Variants in LRRC9 observed in about 807,000 individuals in gnomAD.
LRRC9 encodes leucine rich repeat containing 9, also known as leucine-rich repeat-containing protein 9.
Under a neutral mutation model 63.2 loss-of-function variants are expected in LRRC9, and 122 were observed. That is an observed-to-expected ratio of 1.93 (90% CI 1.67 to 2.24). The LOEUF (loss-of-function observed/expected upper bound fraction) is 2.24. LRRC9 is among the 30% of genes most tolerant of loss of function. LRRC9 has a pLI of 0.00. For missense variants in LRRC9, 1,071 were observed against 627.7 expected, an observed-to-expected ratio of 1.71 and a Z score of -7.55; for synonymous variants, 366 against 213.1, an observed-to-expected ratio of 1.72 and a Z score of -6.25.
At chr14:59,974,073 C>T (rs528579530) in intron 12 of LRRC9, among the ~76,000 whole-genome samples, 3 of 151,896 alleles carry the variant, frequency 2.0e-5, no homozygotes, top group East Asian at 1.9e-4. Flanking sequence ...TGAACATTAC[C>T]GATAGAATAC....
rs902957130 is a variant in LRRC9, at chr14:59,994,864, G to A, written c.2212-2792G>A. ...CATCACACACCGGGGCCTGTTGTGGGGTGGGGGGAAGGGGGAGGGATAGCA... is the reference window on the plus strand; with the variant it reads ...CATCACACACCGGGGCCTGTTGTGGAGTGGGGGGAAGGGGGAGGGATAGCA... On this transcript the variant is annotated intron_variant, in intron 17 of 31. Transcript: ENST00000445360. 3.0e-4 allele frequency among the ~76,000 whole-genome samples: 45 copies of A among 152,080 alleles called. 1 individual carries two copies. Among genetic ancestry groups the A allele is most frequent in the Admixed American group, 8.5e-4 (13 of 15,274 alleles).
chr14:60,038,144 T>C (rs1359077375), intron 29 of LRRC9, among the ~76,000 whole-genome samples: 1 of 152,244 alleles, frequency 6.6e-6, no homozygotes, highest in East Asian at 1.9e-4. Context: ...TTGGTACCAG[T>C]ACTATGCTGT....
rs1595094216 is a variant in LRRC9 at position 60,042,553 on chromosome 14, C to G, written c.3990+10490C>G. Reference sequence around the variant, plus strand: ...TGGGCATGGGATCCTCCAAGCCATGCGCGGGATATAATCTCCTGTTGTGCC... The same window carrying G: ...TGGGCATGGGATCCTCCAAGCCATGGGCGGGATATAATCTCCTGTTGTGCC... On this transcript the variant is annotated intron_variant, in intron 29 of 31. Coordinates refer to ENST00000445360, the Ensembl canonical transcript of LRRC9. This position sits in a 1 kb window ranked among gnomAD's most constrained non-coding sequence, Gnocchi z 4.2. Among the ~76,000 whole-genome samples the G allele has an allele frequency of 6.6e-6, 1 of 152,190 alleles. No individual in the cohort carries two copies. Among genetic ancestry groups the G allele is most frequent in the African/African-American group, 2.4e-5 (1 of 41,442 alleles).
At chr14:59,983,242 C>T (rs1315935755) in intron 16 of LRRC9, among the ~76,000 whole-genome samples, 1 of 152,092 alleles carries the variant, frequency 6.6e-6, no homozygotes, top group Non-Finnish European at 1.5e-5. Context: ...CATTATATAA[C>T]TGAATAGAAC....
In LRRC9 at chr14:60,027,256, T is replaced by C. The variant is rs1218654902; in HGVS notation, c.3704-628T>C. 6.6e-6 allele frequency among the ~76,000 whole-genome samples: 1 copy of C among 152,062 alleles called. No individual in the cohort carries two copies. Among genetic ancestry groups the C allele is most frequent in the Non-Finnish European group, 1.5e-5 (1 of 67,976 alleles). ...TTTGAGACTCTAATAGAAAATACTG[T>C]ACATATAAAAGCATTTTGTAAATTG... is the stretch of plus-strand genomic sequence containing the variant. On this transcript the variant is annotated intron_variant, in intron 27 of 31. Transcript: ENST00000445360. This position sits in a 1 kb window ranked among gnomAD's most constrained non-coding sequence, Gnocchi z 4.0.
At chr14:59,947,899 T>C (rs1158276688) in intron 8 of LRRC9, among the ~76,000 whole-genome samples, 1 of 151,704 alleles carries the variant, frequency 6.6e-6, no homozygotes, top group Non-Finnish European at 1.5e-5. Context: ...CATGCTGTTT[T>C]GGTTACTGTA....
At chr14:59,982,026 C>A in exon 16 of LRRC9, 1 of 702,210 alleles carries the variant, frequency 1.4e-6, no homozygotes, top group Non-Finnish European at 2.6e-6. Flanking sequence ...ACAATACTTT[C>A]CCTTGCAAAG....
rs142296861 is a variant in LRRC9 at position 59,994,947 on chromosome 14, A to T, written c.2212-2709A>T. Among the ~76,000 whole-genome samples, 192 of 152,206 alleles carry T rather than the reference A, an allele frequency of 1.3e-3. 7 individuals carry two copies. In the East Asian group the frequency reaches 0.034, roughly 27 times the overall value. Reference sequence around the variant, plus strand: ...TGGGTGCAGCACACCAACATGGCACATGTATACATATGTAACAAACCTGCA... The same window carrying T: ...TGGGTGCAGCACACCAACATGGCACTTGTATACATATGTAACAAACCTGCA... On this transcript the variant is annotated intron_variant, in intron 17 of 31. Coordinates refer to ENST00000445360, the Ensembl canonical transcript of LRRC9.
intron 29 of LRRC9, among the ~76,000 whole-genome samples, chr14:60,038,991 C>T (rs781375730): frequency 9.9e-5 from 15 of 152,096 alleles, no homozygotes; most frequent in Non-Finnish European, 1.6e-4. Context: ...TGAATTTTGT[C>T]GAAGGCCTTC....
chr14:59,951,756 T>A (rs201891800), intron 8 of LRRC9, among the ~76,000 whole-genome samples: 8 of 151,436 alleles, frequency 5.3e-5, no homozygotes, highest in African/African-American at 2.0e-4. Flanking sequence ...AATACCCTGC[T>A]GTGTGAGGTG....
chr14:59,973,630 T>C (rs556248387), intron 12 of LRRC9: 3 of 152,142 alleles, frequency 2.0e-5, no homozygotes, highest in Non-Finnish European at 4.4e-5. Flanking sequence ...GTAAATACTA[T>C]TTAAATAGTT....
intron 29 of LRRC9, among the ~76,000 whole-genome samples, chr14:60,043,501 G>C (rs982972372): frequency 1.2e-4 from 19 of 152,192 alleles, no homozygotes; most frequent in African/African-American, 4.3e-4. Context: ...TTTCATTAAG[G>C]ATACTGAATT....
chr14:60,026,817 G>C (rs1172652632), intron 27 of LRRC9, among the ~76,000 whole-genome samples: 2 of 152,016 alleles, frequency 1.3e-5, no homozygotes, highest in African/African-American at 4.8e-5. Context: ...GTAAATGTGT[G>C]GATTTATTTC....
At chr14:59,974,680 C>T (rs1158804641) in exon 13 of LRRC9, 6 of 686,694 alleles carry the variant, frequency 8.7e-6, no homozygotes, top group Non-Finnish European at 1.6e-5. Context: ...AGAAGAAAAT[C>T]TCTCTTAAGC....
At position 60,019,262 on chromosome 14, in the gene LRRC9, T is replaced by C. The variant is rs1288699278; in HGVS notation, c.3566+2T>C. ...GCAAGGAATTTCAAAAACAAACAGGTAGTATTCTTTATTTTTATGATTATA... is the reference window on the plus strand; with the variant it reads ...GCAAGGAATTTCAAAAACAAACAGGCAGTATTCTTTATTTTTATGATTATA... On this transcript the variant is annotated splice_donor_variant, in intron 26 of 31. Coordinates refer to ENST00000445360, the Ensembl canonical transcript of LRRC9. LOFTEE classifies it high-confidence loss of function. The C allele has an allele frequency of 8.8e-6, 6 of 681,294 alleles. No individual in the cohort carries two copies. The African/African-American group carries it at 8.9e-5, about 10-fold the overall frequency. The allele number at this position is 681,294 out of a possible 1,614,324, so 42.2% of individuals were successfully genotyped here.
intron 1 of LRRC9, among the ~76,000 whole-genome samples, chr14:59,924,735 A>G (rs1010112502): frequency 6.6e-6 from 1 of 152,136 alleles, no homozygotes; most frequent in Non-Finnish European, 1.5e-5. Flanking sequence ...ATAAAATACA[A>G]AATCCTCACA....
chr14:59,959,183 G>A (rs1649647610), intron 8 of LRRC9, among the ~76,000 whole-genome samples: 1 of 152,080 alleles, frequency 6.6e-6, no homozygotes, highest in Non-Finnish European at 1.5e-5. Flanking sequence ...AAGTAATCAA[G>A]ATAAATAATA....
intron 10 of LRRC9, among the ~76,000 whole-genome samples, chr14:59,965,547 T>A (rs1258927413): frequency 1.3e-5 from 2 of 152,066 alleles, no homozygotes; most frequent in African/African-American, 4.8e-5. Context: ...CACGATCACA[T>A]TCAGGATGGA....
chr14:60,023,393 T>A lies in LRRC9; in HGVS notation c.3703+523T>A, dbSNP rs192261167. On this transcript the variant is annotated intron_variant, in intron 27 of 31. Coordinates refer to ENST00000445360, the Ensembl canonical transcript of LRRC9. ...GCATGTATAGAACTCTTTAAAGGAG[T>A]GATAGAATCTAGATTGAAGGTGAGC... Among the ~76,000 whole-genome samples, 254 of 151,698 alleles carry A rather than the reference T, an allele frequency of 1.7e-3. 3 individuals carry two copies. The highest frequency in any genetic ancestry group is 0.013 in the South Asian group (60 of 4,790).
Sources: gnomAD v4.1 joint callset for allele counts (sites outside exome capture counted in the v4.1 genomes callset) on GRCh38, gnomAD v4.1.1 for gene constraint, Gnocchi (gnomAD v3.1) non-coding constraint, MANE v1.5 for transcripts, NCBI Gene and HGNC (gene_info 2026-07-23, HGNC 2026-07-21) for gene names.